MICALL2: variants seen among roughly 807,000 people sequenced by gnomAD.
The protein encoded by MICALL2 is MICAL like 2.
A neutral mutation model predicts 91.1 loss-of-function variants in MICALL2; 111 were observed. The observed-to-expected ratio is 1.22, with a 90% CI of 1.04 to 1.43. The LOEUF is 1.43. Among genes scored for constraint, MICALL2 ranks in the 40% most tolerant of loss-of-function variants. The probability of loss-of-function intolerance (pLI) is 0.00; values close to 1 mark genes in which losing one functional copy is unlikely to be tolerated. For synonymous variants in MICALL2, 694 were observed against 525.3 expected, an observed-to-expected ratio of 1.32 and a Z score of -4.39; for missense variants, 1,556 against 1,236.0, an observed-to-expected ratio of 1.26 and a Z score of -3.88.
intron 1 of MICALL2, among the ~76,000 whole-genome samples, chr7:1,457,754 G>A (rs943110739): frequency 6.6e-6 from 1 of 152,252 alleles, no homozygotes; most frequent in Non-Finnish European, 1.5e-5. Flanking sequence ...CTGGTGGCCA[G>A]CAGCCGGTGG....
At chr7:1,440,171 C>A in intron 8 of MICALL2, 86 bp from the exon 9 acceptor site, 1 of 1,499,068 alleles carries the variant, frequency 6.7e-7, no homozygotes, top group South Asian at 1.3e-5. Flanking sequence ...ATATGCAGAC[C>A]AGCCGGAGGG....
chr7:1,434,512 G>A lies in MICALL2; in HGVS notation c.*84C>T, dbSNP rs772957776. 2.6e-5 allele frequency: 33 copies of A among 1,245,340 alleles called. No homozygotes were observed. The highest frequency in any genetic ancestry group is 2.3e-4 in the East Asian group (10 of 42,976). The allele number at this position is 1,245,340 out of a possible 1,614,324, so 77.1% of individuals were successfully genotyped here. ...AGCCCACGGCCCCGAGTACAAGTCC[G>A]GGTTCCGGGTCCGGGCCAAGCCCAT... On this transcript the variant is annotated 3_prime_UTR_variant, in exon 17 of 17. Coordinates refer to ENST00000297508, the MANE Select transcript of MICALL2 (RefSeq NM_182924.4).
At chr7:1,439,192 A>T (rs922932369) in intron 9 of MICALL2, 197 bp from the exon 10 acceptor site, 1 of 553,058 alleles carries the variant, frequency 1.8e-6, no homozygotes, top group Non-Finnish European at 3.2e-6. Context: ...CCAGGGGGCT[A>T]ACCCACGGGG....
intron 7 of MICALL2, 182 bp downstream of exon 7, chr7:1,442,010 C>T: frequency 1.4e-6 from 1 of 721,470 alleles, no homozygotes. Context: ...TTGCAGCCAC[C>T]ACACAGAGAG....
chr7:1,442,860 G>C (rs967855300), intron 6 of MICALL2, among the ~76,000 whole-genome samples: 30 of 152,278 alleles, frequency 2.0e-4, no homozygotes, highest in African/African-American at 6.5e-4. Flanking sequence ...ACCCAGGCTG[G>C]AGGCACCTGG....
chr7:1,438,175 G>A lies in MICALL2; in HGVS notation c.2233C>T (p.Gln745Ter), dbSNP rs368807135. The stretch of plus-strand genomic sequence containing the variant: ...GCGTCCAGCCGCCTCTCGATGTCCT[G>A]CAGCTGCCTCTGTATCTCCTCCGGG... Reference protein sequence around the residue: ...LSPEEIQRQLQDIERRLDALE... With the variant: ...LSPEEIQRQL The change falls in exon 12 of 17, where the codon CAG becomes TAG. Residue 745 changes from glutamine to a stop codon, truncating the protein, a stop_gained. Coordinates refer to ENST00000297508, the MANE Select transcript of MICALL2 (RefSeq NM_182924.4). LOFTEE classifies it high-confidence loss of function. 5 of 1,570,706 alleles carry A rather than the reference G, an allele frequency of 3.2e-6. No homozygotes were observed. The highest frequency in any genetic ancestry group is 1.2e-5 in the South Asian group (1 of 85,906).
At chr7:1,447,853 G>C in intron 3 of MICALL2, 88 bp from the exon 4 acceptor site, 1 of 1,077,118 alleles carries the variant, frequency 9.3e-7, no homozygotes, top group Non-Finnish European at 1.3e-6. Context: ...CCCAGCACAG[G>C]CCTTGGTGCC....
intron 1 of MICALL2, among the ~76,000 whole-genome samples, chr7:1,456,038 C>G (rs1241091332): frequency 6.6e-6 from 1 of 151,920 alleles, no homozygotes; most frequent in Non-Finnish European, 1.5e-5. Flanking sequence ...AGACCTCCAC[C>G]CCAGCCACCA....
At chr7:1,444,598 G>C in intron 6 of MICALL2, 54 bp downstream of exon 6, 1 of 1,544,624 alleles carries the variant, frequency 6.5e-7, no homozygotes, top group South Asian at 1.2e-5. Context: ...CCGGGGCCCC[G>C]CTGGCTGGTG....
Position 1,452,485 on chromosome 7 carries a change from C to A in MICALL2, c.144-2197G>T, listed in dbSNP as rs1435364742. ...CTCTTCTGCAGACCTTCCCTAGGGT[C>A]ACTGACCAAAGCGGCCATGTCCCCG... On this transcript the variant is annotated intron_variant, in intron 1 of 16. Coordinates refer to ENST00000297508, the MANE Select transcript of MICALL2 (RefSeq NM_182924.4). The surrounding 1 kb of genome is among the most constrained non-coding windows in gnomAD (Gnocchi z 6.2). 6.6e-6 allele frequency among the ~76,000 whole-genome samples: 1 copy of A among 152,180 alleles called. No individual in the cohort carries two copies. The highest frequency in any genetic ancestry group is 1.5e-5 in the Non-Finnish European group (1 of 68,028).
At chr7:1,448,188 G>T (rs1033109154) in intron 3 of MICALL2, among the ~76,000 whole-genome samples, 3 of 152,212 alleles carry the variant, frequency 2.0e-5, no homozygotes, top group Non-Finnish European at 4.4e-5. Context: ...CTTCCATAGG[G>T]TCCAAAATCA....
chr7:1,439,152 C>T (rs1034239217), intron 9 of MICALL2, 157 bp from the exon 10 acceptor site: 42 of 614,948 alleles, frequency 6.8e-5, no homozygotes, highest in Non-Finnish European at 1.1e-4. Flanking sequence ...AGCCCTACAC[C>T]CACGTCCTGC....
chr7:1,441,105 A>C (rs2128520755), intron 7 of MICALL2: 1 of 197,844 alleles, frequency 5.1e-6, no homozygotes, highest in East Asian at 1.2e-4. Flanking sequence ...AAAGAGAAGG[A>C]TCTGGAAAAA....
chr7:1,440,833 C>T, intron 7 of MICALL2, 149 bp from the exon 8 acceptor site: 1 of 657,288 alleles, frequency 1.5e-6, no homozygotes, highest in South Asian at 1.7e-5. Context: ...GCATCAGGAG[C>T]ACCGGGCAGG....
chr7:1,445,147 G>A lies in MICALL2; in HGVS notation c.923C>T (p.Ala308Val). The change falls in exon 6 of 17, where the codon GCC becomes GTC. Residue 308 changes from alanine (A) to valine (V), a missense_variant. Coordinates refer to ENST00000297508, the MANE Select transcript of MICALL2 (RefSeq NM_182924.4). ...ASVPAAPNPA[A>V]TSATSVHVRS... ...CACGTGGACGGACGTGGCGCTGGTGGCTGCAGGGTTGGGTGCAGCTGGAAC... is the reference window on the plus strand; with the variant it reads ...CACGTGGACGGACGTGGCGCTGGTGACTGCAGGGTTGGGTGCAGCTGGAAC... The A allele has an allele frequency of 1.3e-6, 2 of 1,571,542 alleles. No homozygotes were observed. The highest frequency in any genetic ancestry group is 8.6e-7 in the Non-Finnish European group (1 of 1,159,492).
intron 9 of MICALL2, chr7:1,439,216 A>C (rs549846314): frequency 1.7e-5 from 9 of 534,574 alleles, no homozygotes; most frequent in African/African-American, 1.5e-4. Context: ...CTGGCTGCTC[A>C]AGGTCACACA....
At chr7:1,435,911 G>C (rs1297998115) in intron 15 of MICALL2, among the ~76,000 whole-genome samples, 2 of 151,908 alleles carry the variant, frequency 1.3e-5, no homozygotes, top group East Asian at 3.9e-4. Context: ...AATTAGCCGG[G>C]TGTGGTGGCG....
chr7:1,437,862 G>T, intron 13 of MICALL2, 28 bp downstream of exon 13: 1 of 1,541,846 alleles, frequency 6.5e-7, no homozygotes, highest in East Asian at 2.4e-5. Context: ...CCTGGCCTTC[G>T]AGGAGGGGCC....
At chr7:1,439,400 AACACGGTTGCAC>A (rs1481776403) in intron 9 of MICALL2, 1 of 223,548 alleles carries the variant, frequency 4.5e-6, no homozygotes, top group Non-Finnish European at 8.8e-6. Flanking sequence ...CACATACATG[AACACGGTTGCAC>A]ACACATGCAT....
Sources: allele counts gnomAD v4.1 joint callset (sites outside exome capture counted in the v4.1 genomes callset), GRCh38; gene constraint gnomAD v4.1.1; non-coding constraint Gnocchi (gnomAD v3.1); transcripts MANE v1.5; gene names NCBI Gene and HGNC (gene_info 2026-07-23, HGNC 2026-07-21).